Variants in MAGI2 observed in about 807,000 individuals in gnomAD.
MAGI2 encodes membrane-associated guanylate kinase, WW and PDZ domain-containing protein 2.
In MAGI2, 35 loss-of-function variants were observed where a neutral mutation model predicts 133.3. The ratio of observed to expected loss-of-function variants is 0.26; its 90% confidence interval spans 0.20 to 0.35. The LOEUF (loss-of-function observed/expected upper bound fraction) is 0.35. Among genes scored for constraint, MAGI2 ranks in the 10% least tolerant of loss-of-function variants. MAGI2 has a pLI of 1.00. For missense variants in MAGI2, 1,636 were observed against 1,863.4 expected (o/e 0.88, Z 2.25); for synonymous variants, 729 against 710.6 (o/e 1.03, Z -0.41).
chr7:79,430,593 C>A (rs1366654904), intron 1 of MAGI2, among the ~76,000 whole-genome samples: 1 of 151,304 alleles, frequency 6.6e-6, no homozygotes, highest in Non-Finnish European at 1.5e-5. Context: ...CTGGGAGCAC[C>A]AAGCACGGAT....
In MAGI2 at chr7:78,127,498, G is replaced by T. The variant is rs9656109; in HGVS notation, c.3204-82C>A. ...GTGATCACACGGCCTCCAGAGGTGG[G>T]CCAGCCATGACAGCTCACACAAACC... On this transcript the variant is annotated intron_variant, in intron 18 of 21. Transcript: ENST00000354212. The T allele has an allele frequency of 0.84, 860,793 of 1,024,544 alleles. 364,296 individuals carry two copies. Among genetic ancestry groups the T allele is most frequent in the African/African-American group, 0.91 (57,341 of 63,140 alleles). The allele number at this position is 1,024,544 out of a possible 1,614,324, so 63.5% of individuals were successfully genotyped here. A position where few individuals can be genotyped will look rare whatever the true frequency, so the allele number is the denominator to read the frequency against.
At chr7:78,721,098 C>G (rs2151200034) in intron 2 of MAGI2, among the ~76,000 whole-genome samples, 1 of 152,094 alleles carries the variant, frequency 6.6e-6, no homozygotes, top group Non-Finnish European at 1.5e-5. Flanking sequence ...TATACCAGTG[C>G]TTAAACCAAT....
intron 1 of MAGI2, among the ~76,000 whole-genome samples, chr7:79,376,841 G>GTGTGT (rs1563166210): frequency 0.012 from 1,722 of 147,542 alleles, 41 homozygotes; most frequent in Admixed American, 0.046. Flanking sequence ...TGTGTGTGTG[G>GTGTGT]GTGTATGGCG....
At chr7:78,383,699 C>T (rs1182137541) in intron 6 of MAGI2, among the ~76,000 whole-genome samples, 1 of 151,930 alleles carries the variant, frequency 6.6e-6, no homozygotes, top group African/African-American at 2.4e-5. Context: ...GAGAGTTTCC[C>T]CTAGGTTTCC....
At chr7:78,543,529 A>AT (rs1798579789) in intron 3 of MAGI2, among the ~76,000 whole-genome samples, 1 of 152,232 alleles carries the variant, frequency 6.6e-6, no homozygotes, top group Non-Finnish European at 1.5e-5. Context: ...AATTTCCTTT[A>AT]TATGAGGCCA....
chr7:79,395,748 T>G (rs973407903), intron 1 of MAGI2, among the ~76,000 whole-genome samples: 14 of 152,186 alleles, frequency 9.2e-5, no homozygotes, highest in African/African-American at 3.1e-4. Flanking sequence ...ATCATGTATG[T>G]GATTTTATGA....
intron 1 of MAGI2, among the ~76,000 whole-genome samples, chr7:79,299,023 T>C (rs980554657): frequency 8.5e-5 from 13 of 152,142 alleles, no homozygotes; most frequent in African/African-American, 2.9e-4. Context: ...CCTAGCAAAC[T>C]AGGCAGTTTT....
chr7:78,550,866 A>G (rs1352474990), intron 3 of MAGI2, among the ~76,000 whole-genome samples: 1 of 152,056 alleles, frequency 6.6e-6, no homozygotes, highest in Admixed American at 6.6e-5. Flanking sequence ...GAATATGTAC[A>G]CTGCACATTG....
chr7:78,480,273 C>A (rs1792213273), intron 6 of MAGI2, among the ~76,000 whole-genome samples: 1 of 151,602 alleles, frequency 6.6e-6, no homozygotes, highest in East Asian at 1.9e-4. Context: ...AAAATTGACA[C>A]CAATTTTACA....
intron 20 of MAGI2, among the ~76,000 whole-genome samples, chr7:78,109,334 AGAAAAAAG>A (rs1563133029): frequency 5.0e-5 from 6 of 119,410 alleles, no homozygotes; most frequent in South Asian, 2.9e-4. Flanking sequence ...AAAAAAAAAA[AGAAAAAAG>A]AAAAAAAAAA....
intron 6 of MAGI2, among the ~76,000 whole-genome samples, chr7:78,464,816 A>G (rs1790449846): frequency 6.6e-6 from 1 of 151,798 alleles, no homozygotes; most frequent in African/African-American, 2.4e-5. Flanking sequence ...ATGGTACTTG[A>G]ACTTTTCAAA....
chr7:78,895,355 C>T (rs957959018), intron 2 of MAGI2, among the ~76,000 whole-genome samples: 10 of 152,106 alleles, frequency 6.6e-5, no homozygotes, highest in African/African-American at 1.7e-4. Context: ...TTATAAATTA[C>T]CCAGTCTCAG....
chr7:78,469,748 G>A (rs1234770064), intron 6 of MAGI2, among the ~76,000 whole-genome samples: 1 of 152,062 alleles, frequency 6.6e-6, no homozygotes, highest in African/African-American at 2.4e-5. Context: ...TGAGATTCCT[G>A]ATATTCCAAT....
chr7:78,100,136 C>T (rs988209569), intron 20 of MAGI2, among the ~76,000 whole-genome samples: 1 of 152,110 alleles, frequency 6.6e-6, no homozygotes, highest in East Asian at 1.9e-4. Flanking sequence ...CCCTCTAGGG[C>T]GTAACTATGA....
intron 1 of MAGI2, among the ~76,000 whole-genome samples, chr7:79,099,106 A>G (rs947108863): frequency 1.3e-5 from 2 of 152,192 alleles, no homozygotes; most frequent in African/African-American, 4.8e-5. Flanking sequence ...CATTAAATAA[A>G]TTTAAATTCA....
In MAGI2 at chr7:78,018,702, AGGCAGGGAACGCTGCT is replaced by A. The variant is rs1457547588; in HGVS notation, c.*597_*612del. Reference sequence around the variant, plus strand: ...CTAGATTTCTAAGTCATCCTGCAGGAGGCAGGGAACGCTGCTGCTAACACCGAGGATGGATGCCAAG... The same window carrying A: ...CTAGATTTCTAAGTCATCCTGCAGGAGCTAACACCGAGGATGGATGCCAAG... On this transcript the variant is annotated 3_prime_UTR_variant, in exon 22 of 22. Coordinates refer to ENST00000354212, the MANE Select transcript of MAGI2 (RefSeq NM_012301.4). 1.3e-5 allele frequency: 2 copies of A among 154,450 alleles called. No homozygotes were observed. Among genetic ancestry groups the A allele is most frequent in the East Asian group, 3.8e-4 (2 of 5,256 alleles). 9.6% of individuals were successfully genotyped at this position (154,450 alleles called of 1,614,324 possible). A position where few individuals can be genotyped will look rare whatever the true frequency, so the allele number is the denominator to read the frequency against.
At chr7:78,659,424 CAAAAAAAAAAAAAAA>C (rs71085553) in intron 2 of MAGI2, among the ~76,000 whole-genome samples, 1 of 23,676 alleles carries the variant, frequency 4.2e-5, no homozygotes, top group Non-Finnish European at 7.0e-5. Context: ...GACTTCATCT[CAAAAAAAAAAAAAAA>C]AAAAAAAAAA....
chr7:79,213,407 C>T (rs1484478824), intron 1 of MAGI2, among the ~76,000 whole-genome samples: 2 of 151,846 alleles, frequency 1.3e-5, no homozygotes, highest in Non-Finnish European at 2.9e-5. Flanking sequence ...TGGTCCCAAA[C>T]CCCTGGGCTC....
At chr7:79,396,677 T>C (rs960033837) in intron 1 of MAGI2, among the ~76,000 whole-genome samples, 3 of 152,092 alleles carry the variant, frequency 2.0e-5, no homozygotes, top group African/African-American at 7.2e-5. Context: ...TAATTACCAC[T>C]GGATAGGTAG....
Sources: allele counts gnomAD v4.1 joint callset (sites outside exome capture counted in the v4.1 genomes callset), GRCh38; gene constraint gnomAD v4.1.1; transcripts MANE v1.5; gene names NCBI Gene and HGNC (gene_info 2026-07-23, HGNC 2026-07-21).